Variants in PTPRD observed in about 807,000 individuals in gnomAD.
PTPRD encodes the protein protein tyrosine phosphatase receptor type D.
A neutral mutation model predicts 214.5 loss-of-function variants in PTPRD; 34 were observed. The observed-to-expected ratio is 0.16, with a 90% CI of 0.12 to 0.21. The LOEUF (loss-of-function observed/expected upper bound fraction) is 0.21, where lower values mean the gene tolerates loss of function less well. Ranked by LOEUF, PTPRD falls within the 10% of genes least tolerant of loss-of-function variation. The pLI is 1.00. For missense variants in PTPRD, 2,545 were observed against 2,398.7 expected (o/e 1.06, Z -1.27); for synonymous variants, 1,128 against 845.7 (o/e 1.33, Z -5.79).
chr9:10,102,691 C>G lies in PTPRD; in HGVS notation c.-544-68901G>C, dbSNP rs1210309170. 2.0e-5 allele frequency among the ~76,000 whole-genome samples: 3 copies of G among 151,504 alleles called. No individual in the cohort carries two copies. In the Admixed American group the frequency reaches 2.0e-4, roughly 10 times the overall value. ...GAGGTGATATTGTTAGTAGCACTGT[C>G]TATCACTTTTGCCAATTCACTCTGA... On this transcript the variant is annotated intron_variant, in intron 3 of 45. Coordinates refer to ENST00000381196, the MANE Select transcript of PTPRD (RefSeq NM_002839.4).
intron 8 of PTPRD, among the ~76,000 whole-genome samples, chr9:9,409,566 G>C (rs185371751): frequency 6.6e-6 from 1 of 151,952 alleles, no homozygotes; most frequent in Non-Finnish European, 1.5e-5. Context: ...AGAACTGAGA[G>C]CACTTAAAAT....
chr9:10,220,717 G>A (rs1185863651), intron 3 of PTPRD, among the ~76,000 whole-genome samples: 1 of 151,654 alleles, frequency 6.6e-6, no homozygotes, highest in Non-Finnish European at 1.5e-5. Flanking sequence ...ATTATTATAA[G>A]ATATATATTG....
chr9:9,863,695 G>A (rs569101053), intron 5 of PTPRD, among the ~76,000 whole-genome samples: 35 of 152,114 alleles, frequency 2.3e-4, no homozygotes, highest in African/African-American at 8.0e-4. Flanking sequence ...AAATATTTGT[G>A]AGAGGGCTAT....
At chr9:9,356,723 T>C (rs959764208) in intron 9 of PTPRD, among the ~76,000 whole-genome samples, 1 of 151,422 alleles carries the variant, frequency 6.6e-6, no homozygotes, top group African/African-American at 2.4e-5. Flanking sequence ...CAAGTACCAC[T>C]GACTAGTTTT....
At position 10,194,941 on chromosome 9, in the gene PTPRD, AT is replaced by A. The variant is rs113659073; in HGVS notation, c.-545+146021del. On this transcript the variant is annotated intron_variant, in intron 3 of 45. Coordinates refer to ENST00000381196, the MANE Select transcript of PTPRD (RefSeq NM_002839.4). ...AAAAAATAACAAGGATTTTCATTTA[AT>A]TTTTTTTTTTTTTTTTGAGACAGAG... Among the ~76,000 whole-genome samples the A allele has an allele frequency of 7.1e-3, 978 of 136,978 alleles. 3 individuals are homozygous for A. Among genetic ancestry groups the A allele is most frequent in the Middle Eastern group, 0.012 (3 of 258 alleles). The allele number at this position is 136,978 out of a possible 152,430, so 89.9% of individuals were successfully genotyped here.
At chr9:9,557,232 G>A (rs2081758838) in intron 8 of PTPRD, among the ~76,000 whole-genome samples, 1 of 152,038 alleles carries the variant, frequency 6.6e-6, no homozygotes, top group South Asian at 2.1e-4. Context: ...ATGGAAGGGG[G>A]GAAGGGTGTC....
chr9:9,446,875 A>C (rs1166579077), intron 8 of PTPRD, among the ~76,000 whole-genome samples: 2 of 152,228 alleles, frequency 1.3e-5, no homozygotes. Flanking sequence ...GACACTTTTC[A>C]AAAGAAGACA....
At position 8,316,790 on chromosome 9, in the gene PTPRD, T is replaced by G. The variant is rs1368011617; in HGVS notation, c.*1084A>C. 4.3e-6 allele frequency: 1 copy of G among 231,378 alleles called. No individual in the cohort carries two copies. The highest frequency in any genetic ancestry group is 8.6e-6 in the Non-Finnish European group (1 of 116,684). The allele number at this position is 231,378 out of a possible 1,614,324, so 14.3% of individuals were successfully genotyped here. ...ATCAATCACTGATGTGCATTCCTCA[T>G]TTCCCTTTAAAGAAATACCAATATG... is the stretch of plus-strand genomic sequence containing the variant. On this transcript the variant is annotated 3_prime_UTR_variant, in exon 46 of 46. Transcript: ENST00000381196.
At position 9,244,981 on chromosome 9, in the gene PTPRD, A is replaced by T. The variant is rs191721934; in HGVS notation, c.-202-61618T>A. On this transcript the variant is annotated intron_variant, in intron 9 of 45. Transcript: ENST00000381196. Reference sequence around the variant, plus strand: ...CCCATCAAAAAGTGAGTGAAGGATAAGAACAGACACTTCTCAAAAGAAGAC... The same window carrying T: ...CCCATCAAAAAGTGAGTGAAGGATATGAACAGACACTTCTCAAAAGAAGAC... Among the ~76,000 whole-genome samples the T allele has an allele frequency of 6.8e-3, 1,040 of 152,270 alleles. 11 individuals carry two copies. Among genetic ancestry groups the T allele is most frequent in the African/African-American group, 0.023 (964 of 41,574 alleles).
chr9:9,553,814 T>C (rs1033203593), intron 8 of PTPRD, among the ~76,000 whole-genome samples: 4 of 152,088 alleles, frequency 2.6e-5, no homozygotes, highest in Non-Finnish European at 5.9e-5. Flanking sequence ...TAATTACATT[T>C]AGACTAAGAA....
At chr9:8,702,315 A>T (rs2098106645) in intron 12 of PTPRD, among the ~76,000 whole-genome samples, 1 of 151,148 alleles carries the variant, frequency 6.6e-6, no homozygotes, top group Admixed American at 6.6e-5. Context: ...GAAATAAAGT[A>T]CTGTGCTTAT....
intron 8 of PTPRD, among the ~76,000 whole-genome samples, chr9:9,423,549 G>A (rs1158145112): frequency 2.0e-5 from 3 of 152,140 alleles, no homozygotes; most frequent in East Asian, 1.9e-4. Flanking sequence ...AAAAAATGCC[G>A]TGAGAATAAG....
intron 9 of PTPRD, among the ~76,000 whole-genome samples, chr9:9,376,187 A>C (rs1255852235): frequency 6.6e-6 from 1 of 152,116 alleles, no homozygotes; most frequent in Non-Finnish European, 1.5e-5. Context: ...TATGGGCTTG[A>C]AAAAAGTCTT....
rs553140177 is a variant in PTPRD at position 8,372,729 on chromosome 9, C to T, written c.4661+3207G>A. ...CCTTGTCTGCGCTTGTTGCACTAGG[C>T]TATCCCTAAAATTCTTTTTTGTTGT... On this transcript the variant is annotated intron_variant, in intron 39 of 45. Coordinates refer to ENST00000381196, the MANE Select transcript of PTPRD (RefSeq NM_002839.4). Among the ~76,000 whole-genome samples the T allele has an allele frequency of 2.0e-5, 3 of 152,138 alleles. No individual in the cohort carries two copies. The East Asian group carries it at 5.8e-4, about 29-fold the overall frequency.
chr9:9,405,467 T>C (rs1022330880), intron 8 of PTPRD, among the ~76,000 whole-genome samples: 2 of 152,022 alleles, frequency 1.3e-5, no homozygotes, highest in African/African-American at 2.4e-5. Context: ...CTAAATTAAA[T>C]AGAACTGTGT....
chr9:9,487,215 C>T (rs901922938), intron 8 of PTPRD, among the ~76,000 whole-genome samples: 6 of 151,894 alleles, frequency 4.0e-5, no homozygotes, highest in African/African-American at 1.5e-4. Context: ...CCCCCTTCCC[C>T]CCACCCAACA....
chr9:9,791,336 G>GT (rs199609867), intron 5 of PTPRD, among the ~76,000 whole-genome samples: 3,090 of 151,952 alleles, frequency 0.02, 115 homozygotes, highest in African/African-American at 0.068. Context: ...ATAGAATCAT[G>GT]TTTTTTTTAA....
intron 3 of PTPRD, among the ~76,000 whole-genome samples, chr9:10,323,254 C>T (rs2096585688): frequency 2.3e-5 from 1 of 43,202 alleles, no homozygotes; most frequent in Non-Finnish European, 4.4e-5. Flanking sequence ...CCTCCCCTTC[C>T]CTTCTCTCCC....
intron 9 of PTPRD, among the ~76,000 whole-genome samples, chr9:9,273,357 A>G (rs1943699604): frequency 6.6e-6 from 1 of 151,222 alleles, no homozygotes; most frequent in Admixed American, 6.6e-5. Flanking sequence ...GACAAAAATA[A>G]TTATTAAAAT....
Sources: allele counts gnomAD v4.1 joint callset (sites outside exome capture counted in the v4.1 genomes callset), GRCh38; gene constraint gnomAD v4.1.1; transcripts MANE v1.5; gene names NCBI Gene and HGNC (gene_info 2026-07-23, HGNC 2026-07-21).